RAB38: variants seen among roughly 807,000 people sequenced by gnomAD.
RAB38 encodes ras-related protein Rab-38.
RAB38 carries 15 observed loss-of-function variants against 18.4 expected under a neutral mutation model. That is an observed-to-expected ratio of 0.82 (90% CI 0.55 to 1.26). The LOEUF is 1.26. Among genes scored for constraint, RAB38 ranks in the 50% most tolerant of loss-of-function variants. RAB38 has a pLI of 0.00. For synonymous variants in RAB38, 101 were observed against 104.4 expected (o/e 0.97, Z 0.20); for missense variants, 294 against 267.4 (o/e 1.10, Z -0.69).
At chr11:87,949,880 G>A in the RAB38 span, among the ~76,000 whole-genome samples, 1 of 152,148 alleles carries the variant, frequency 6.6e-6, no homozygotes, top group African/African-American at 2.4e-5. Flanking sequence ...ATTTGGGGTG[G>A]AGAGTTCTGT....
the RAB38 span, among the ~76,000 whole-genome samples, chr11:88,017,610 C>G: frequency 6.6e-6 from 1 of 150,650 alleles, no homozygotes; most frequent in East Asian, 1.9e-4. Flanking sequence ...CCCTTGAAAT[C>G]TGCATTTGTT....
the RAB38 span, among the ~76,000 whole-genome samples, chr11:87,948,066 T>G: frequency 6.6e-6 from 1 of 152,206 alleles, no homozygotes; most frequent in Non-Finnish European, 1.5e-5. Context: ...CCTCTTTTAT[T>G]TCATTGAGCA....
the RAB38 span, among the ~76,000 whole-genome samples, chr11:87,939,808 C>T: frequency 1.3e-5 from 2 of 152,140 alleles, no homozygotes; most frequent in Non-Finnish European, 2.9e-5. Context: ...GGGAGGATCA[C>T]TTGAGCCTGG....
At position 88,162,745 on chromosome 11, in the gene RAB38, A is replaced by T. The variant is rs867456371; in HGVS notation, c.202+12438T>A. Among the ~76,000 whole-genome samples the T allele has an allele frequency of 2.6e-4, 40 of 152,108 alleles. 1 individual carries two copies. The highest frequency in any genetic ancestry group is 8.9e-4 in the African/African-American group (37 of 41,508). Reference sequence around the variant, plus strand: ...CACGATGATTCCATTCCACCCTCTGACCTCCTGTGGGATTTCTGAGGTCGC... The same window carrying T: ...CACGATGATTCCATTCCACCCTCTGTCCTCCTGTGGGATTTCTGAGGTCGC... On this transcript the variant is annotated intron_variant, in intron 1 of 2. Coordinates refer to ENST00000243662, the MANE Select transcript of RAB38 (RefSeq NM_022337.3).
the RAB38 span, among the ~76,000 whole-genome samples, chr11:87,834,824 A>G: frequency 6.6e-6 from 1 of 152,184 alleles, no homozygotes; most frequent in Non-Finnish European, 1.5e-5. Flanking sequence ...AAGGGTTGCT[A>G]TGAGACACAA....
chr11:87,819,004 G>C, the RAB38 span, among the ~76,000 whole-genome samples: 4 of 152,134 alleles, frequency 2.6e-5, no homozygotes, highest in African/African-American at 9.7e-5. Flanking sequence ...TAAACTAGTA[G>C]CATTCTATAA....
chr11:88,149,270 A>G (rs111255405), intron 2 of RAB38, among the ~76,000 whole-genome samples: 1,941 of 152,352 alleles, frequency 0.013, 22 homozygotes, highest in Non-Finnish European at 0.02. Context: ...TGTACAGGTG[A>G]ACATATTAAA....
chr11:87,842,795 C>T, the RAB38 span, among the ~76,000 whole-genome samples: 3,294 of 100,900 alleles, frequency 0.033, 111 homozygotes, highest in African/African-American at 0.13. Flanking sequence ...CATGCGCATG[C>T]ACACACACAC....
the RAB38 span, among the ~76,000 whole-genome samples, chr11:88,074,535 T>C: frequency 6.6e-6 from 1 of 152,036 alleles, no homozygotes; most frequent in Non-Finnish European, 1.5e-5. Context: ...GTAACCATAA[T>C]GCAAATACCT....
chr11:87,842,478 G>A, the RAB38 span, among the ~76,000 whole-genome samples: 10 of 152,074 alleles, frequency 6.6e-5, no homozygotes, highest in African/African-American at 1.4e-4. Context: ...TTGCGCAGTC[G>A]GAGAGGGGCC....
the RAB38 span, among the ~76,000 whole-genome samples, chr11:87,844,711 C>T: frequency 2.0e-5 from 3 of 152,126 alleles, no homozygotes; most frequent in Non-Finnish European, 2.9e-5. Flanking sequence ...TAACCAAGTC[C>T]GAAGTAATAG....
chr11:87,863,351 C>A, the RAB38 span, among the ~76,000 whole-genome samples: 1 of 151,736 alleles, frequency 6.6e-6, no homozygotes, highest in African/African-American at 2.4e-5. Flanking sequence ...AAGTACCCAA[C>A]TTATGGCAAA....
the RAB38 span, among the ~76,000 whole-genome samples, chr11:88,032,155 G>C: frequency 1.3e-5 from 2 of 151,906 alleles, no homozygotes; most frequent in Admixed American, 6.6e-5. Context: ...AATAAATGGT[G>C]CTGGGAAAAC....
chr11:88,079,829 T>G, the RAB38 span, among the ~76,000 whole-genome samples: 1 of 151,662 alleles, frequency 6.6e-6, no homozygotes, highest in African/African-American at 2.4e-5. Flanking sequence ...AAAAATCATT[T>G]GAAAGAATTG....
the RAB38 span, among the ~76,000 whole-genome samples, chr11:87,859,098 T>C: frequency 6.6e-6 from 1 of 151,930 alleles, no homozygotes; most frequent in Non-Finnish European, 1.5e-5. Flanking sequence ...CACAATTAAC[T>C]ATTCATCACA....
intron 1 of RAB38, among the ~76,000 whole-genome samples, chr11:88,160,879 A>G (rs11607864): frequency 0.25 from 37,851 of 151,864 alleles, 4,755 homozygotes; most frequent in Admixed American, 0.27. Context: ...TGGGTACTAT[A>G]CTCACTCCCT....
At chr11:88,047,116 C>T in the RAB38 span, among the ~76,000 whole-genome samples, 3 of 152,156 alleles carry the variant, frequency 2.0e-5, no homozygotes, top group South Asian at 2.1e-4. Context: ...CTACAGTTCT[C>T]GTAACTTCCA....
chr11:87,915,550 T>G, the RAB38 span, among the ~76,000 whole-genome samples: 16 of 152,096 alleles, frequency 1.1e-4, no homozygotes, highest in Non-Finnish European at 2.4e-4. Context: ...TTACCCTATA[T>G]GGTCTAAAAA....
At chr11:87,824,725 G>GA in the RAB38 span, among the ~76,000 whole-genome samples, 3 of 152,204 alleles carry the variant, frequency 2.0e-5, no homozygotes, top group Admixed American at 6.5e-5. Flanking sequence ...AAAACAGGTG[G>GA]AAAAAATAGA....
Sources: allele counts gnomAD v4.1 joint callset (sites outside exome capture counted in the v4.1 genomes callset), GRCh38; gene constraint gnomAD v4.1.1; transcripts MANE v1.5; gene names NCBI Gene and HGNC (gene_info 2026-07-23, HGNC 2026-07-21).